The following SUPT3H variants were observed in gnomAD, a reference collection of about 807,000 sequenced individuals.
The protein encoded by SUPT3H is SPT3 homolog, SAGA and STAGA complex component.
SUPT3H carries 44 observed loss-of-function variants against 44.3 expected under a neutral mutation model. The observed-to-expected ratio is 0.99, with a 90% CI of 0.78 to 1.28. SUPT3H has a LOEUF of 1.28. SUPT3H is among the 50% of genes most tolerant of loss of function. The probability of loss-of-function intolerance (pLI) is 0.00; values close to 1 mark genes in which losing one functional copy is unlikely to be tolerated. For synonymous variants in SUPT3H, 124 were observed against 125.6 expected (o/e 0.99, Z 0.09); for missense variants, 380 against 387.1 (o/e 0.98, Z 0.15).
intron 2 of SUPT3H, among the ~76,000 whole-genome samples, chr6:45,227,457 T>C (rs1767154634): frequency 1.3e-5 from 2 of 152,298 alleles, no homozygotes; most frequent in South Asian, 4.1e-4. Context: ...ATCATAAAAC[T>C]AGATACTGCT....
At chr6:45,182,526 G>A (rs1389788159) in intron 2 of SUPT3H, among the ~76,000 whole-genome samples, 2 of 152,128 alleles carry the variant, frequency 1.3e-5, no homozygotes, top group African/African-American at 4.8e-5. Context: ...CCTCCCAAAA[G>A]GCTGGGATTA....
chr6:45,207,380 G>A (rs1056044313), intron 2 of SUPT3H, among the ~76,000 whole-genome samples: 1 of 152,172 alleles, frequency 6.6e-6, no homozygotes, highest in Non-Finnish European at 1.5e-5. Flanking sequence ...GAAAAAGTCT[G>A]ACTGAAGTAA....
At chr6:45,001,943 G>A (rs1782062834) in intron 6 of SUPT3H, among the ~76,000 whole-genome samples, 1 of 152,028 alleles carries the variant, frequency 6.6e-6, no homozygotes, top group African/African-American at 2.4e-5. Flanking sequence ...GTTAAGTTAT[G>A]TCTACAAGCC....
rs140990841 is a variant in SUPT3H, at chr6:45,135,820, A to C, written c.102-29814T>G. 8.3e-3 allele frequency among the ~76,000 whole-genome samples: 1,262 copies of C among 152,340 alleles called. 5 individuals are homozygous for C. Among genetic ancestry groups the C allele is most frequent in the Middle Eastern group, 0.014 (4 of 294 alleles). On this transcript the variant is annotated intron_variant, in intron 2 of 10. Transcript: ENST00000371459. ...GCATTCTGTTATTAAAAAGCCATCCAGTCCATGATACTTTGATATAATGGC... is the reference window on the plus strand; with the variant it reads ...GCATTCTGTTATTAAAAAGCCATCCCGTCCATGATACTTTGATATAATGGC...
intron 2 of SUPT3H, among the ~76,000 whole-genome samples, chr6:45,303,648 GA>G (rs1782500487): frequency 7.3e-6 from 1 of 136,076 alleles, no homozygotes; most frequent in Non-Finnish European, 1.5e-5. Context: ...TTAATAGAAT[GA>G]GATGTTGCCT....
intron 2 of SUPT3H, among the ~76,000 whole-genome samples, chr6:45,226,678 C>T (rs1328556342): frequency 2.0e-5 from 3 of 152,140 alleles, no homozygotes; most frequent in Admixed American, 6.5e-5. Context: ...ATTTCAGGCC[C>T]ATGCCACCAC....
intron 10 of SUPT3H, among the ~76,000 whole-genome samples, chr6:44,851,644 T>C (rs1408140010): frequency 4.6e-5 from 7 of 152,198 alleles, no homozygotes; most frequent in South Asian, 2.1e-4. Context: ...TGGAGACATA[T>C]TGTTGCCTTC....
intron 5 of SUPT3H, among the ~76,000 whole-genome samples, chr6:45,004,657 A>G (rs979034944): frequency 6.6e-6 from 1 of 152,080 alleles, no homozygotes; most frequent in Non-Finnish European, 1.5e-5. Flanking sequence ...TTCCAACTCA[A>G]AATCTTGTAA....
At chr6:44,937,991 C>G (rs773427345) in intron 9 of SUPT3H, among the ~76,000 whole-genome samples, 6 of 143,954 alleles carry the variant, frequency 4.2e-5, no homozygotes, top group Non-Finnish European at 8.9e-5. Flanking sequence ...CTTACTGCAA[C>G]CTCCGCCTCC....
intron 9 of SUPT3H, among the ~76,000 whole-genome samples, chr6:44,951,226 C>G (rs1774255001): frequency 6.8e-6 from 1 of 146,632 alleles, no homozygotes; most frequent in Non-Finnish European, 1.5e-5. Context: ...TTGACTGCAA[C>G]TAGAGAAGGT....
chr6:44,913,862 T>C (rs1387417825), intron 10 of SUPT3H, among the ~76,000 whole-genome samples: 1 of 152,176 alleles, frequency 6.6e-6, no homozygotes, highest in African/African-American at 2.4e-5. Context: ...ATAGTGATGA[T>C]TCAGTGCCAC....
intron 10 of SUPT3H, among the ~76,000 whole-genome samples, chr6:44,888,643 A>T (rs1165343985): frequency 6.6e-6 from 1 of 152,028 alleles, no homozygotes; most frequent in East Asian, 1.9e-4. Flanking sequence ...TCTATGACAA[A>T]CCCACAGCCA....
intron 3 of SUPT3H, 33 bp from the exon 4 acceptor site, chr6:45,020,665 A>G (rs772413608): frequency 5.2e-6 from 8 of 1,525,768 alleles, no homozygotes; most frequent in Middle Eastern, 1.8e-4. Flanking sequence ...AATTTTTCTC[A>G]GTAACACAAA....
At chr6:45,368,905 G>T (rs1189437732) in intron 1 of SUPT3H, among the ~76,000 whole-genome samples, 1 of 151,898 alleles carries the variant, frequency 6.6e-6, no homozygotes, top group East Asian at 1.9e-4. Context: ...TATGCACTGA[G>T]TTTTCGTTTT....
chr6:45,010,474 CAT>C (rs926750825), intron 5 of SUPT3H, among the ~76,000 whole-genome samples: 3 of 152,180 alleles, frequency 2.0e-5, no homozygotes, highest in East Asian at 1.9e-4. Context: ...GTGGGTTTTC[CAT>C]ATATGTCTGT....
At chr6:45,315,922 C>CAGACAGATAGATAGATAGAT (rs1554339652) in intron 2 of SUPT3H, among the ~76,000 whole-genome samples, 53 of 145,586 alleles carry the variant, frequency 3.6e-4, no homozygotes, top group African/African-American at 1.2e-3. Context: ...CTCAGATAGA[C>CAGACAGATAGATAGATAGAT]AGATAGATAG....
chr6:44,910,224 G>A (rs1480192775), intron 10 of SUPT3H, among the ~76,000 whole-genome samples: 2 of 152,068 alleles, frequency 1.3e-5, no homozygotes, highest in African/African-American at 4.8e-5. Context: ...CTGGCAAGGT[G>A]TCACTGAAAC....
chr6:45,026,426 A>C (rs1786010548), intron 3 of SUPT3H, among the ~76,000 whole-genome samples: 1 of 6,220 alleles, frequency 1.6e-4, no homozygotes, highest in Non-Finnish European at 2.3e-4. Flanking sequence ...GACTTTAATT[A>C]CTAGTAGAAT....
chr6:45,232,882 G>A (rs886418746), intron 2 of SUPT3H, among the ~76,000 whole-genome samples: 8 of 152,038 alleles, frequency 5.3e-5, no homozygotes, highest in Non-Finnish European at 7.4e-5. Flanking sequence ...CCTCCAGTTC[G>A]CCTGCCCCAG....
Sources: allele counts gnomAD v4.1 joint callset (sites outside exome capture counted in the v4.1 genomes callset), GRCh38; gene constraint gnomAD v4.1.1; transcripts MANE v1.5; gene names NCBI Gene and HGNC (gene_info 2026-07-23, HGNC 2026-07-21).